The following MAB21L4 variants were observed in gnomAD, a reference collection of about 807,000 sequenced individuals.
MAB21L4 encodes mab-21 like 4.
A neutral mutation model predicts 32.4 loss-of-function variants in MAB21L4; 25 were observed. The ratio of observed to expected loss-of-function variants is 0.77; its 90% CI spans 0.56 to 1.08. The LOEUF is 1.08. Among genes scored for constraint, MAB21L4 ranks in the 50% least tolerant of loss-of-function variants. The probability of loss-of-function intolerance (pLI) is 0.00; values close to 1 mark genes in which losing one functional copy is unlikely to be tolerated. For synonymous variants in MAB21L4, 280 were observed against 276.8 expected, an observed-to-expected ratio of 1.01 and a Z score of -0.11; for missense variants, 638 against 611.0, an observed-to-expected ratio of 1.04 and a Z score of -0.47.
Position 240,888,606 on chromosome 2 carries a change from C to A in MAB21L4, c.937G>T (p.Asp313Tyr). 1 of 1,600,762 alleles carries A rather than the reference C, an allele frequency of 6.2e-7. No individual in the cohort carries two copies. Among genetic ancestry groups the A allele is most frequent in the Non-Finnish European group, 8.5e-7 (1 of 1,174,094 alleles). The change falls in exon 4 of 5, where the codon GAC becomes TAC. Residue 313 changes from aspartate to tyrosine, a missense_variant. Transcript: ENST00000388934. ...ACGGCGCCCTGCAGTTCTGCCCAGT[C>A]CTCGGGCGCCAGGAAGAGCACAGAG... Reference protein sequence around the residue: ...WASVLFLAPEDWAELQGAVYR... With the variant: ...WASVLFLAPEYWAELQGAVYR...
At chr2:240,896,724 G>C (rs1031919174), upstream of MAB21L4, 2 of 152,506 alleles carry the variant, frequency 1.3e-5, no homozygotes, top group Admixed American at 6.5e-5. Flanking sequence ...CCAGCCATCT[G>C]GGCCCTGGAC....
At position 240,895,851 on chromosome 2, in the gene MAB21L4, G is replaced by A. The variant is rs745871570; in HGVS notation, c.147C>T (p.Arg49=). Residue 49 remains arginine (R), a synonymous_variant, in exon 1 of 5, where the codon CGC becomes CGT. Coordinates refer to ENST00000388934, the MANE Select transcript of MAB21L4 (RefSeq NM_001085437.3). ...AENVLLTVLE[R]VHALDPRFIV... is the part of the protein sequence containing the mutation. Reference sequence around the variant, plus strand: ...TGAAGCGGGGGTCCAGGGCATGCACGCGCTCCAGCACCGTGAGCAGCACGT... The same window carrying A: ...TGAAGCGGGGGTCCAGGGCATGCACACGCTCCAGCACCGTGAGCAGCACGT... 6.6e-5 allele frequency: 104 copies of A among 1,576,980 alleles called. No individual in the cohort carries two copies. The highest frequency in any genetic ancestry group is 3.5e-4 in the Middle Eastern group (2 of 5,784).
At position 240,896,015 on chromosome 2, in the gene MAB21L4, G is replaced by C. The variant is rs10933514; in HGVS notation, c.-18C>G. 7.0e-7 allele frequency: 1 copy of C among 1,430,090 alleles called. No homozygotes were observed. 88.6% of individuals were successfully genotyped at this position (1,430,090 alleles called of 1,614,324 possible). ...GCAGGCATCCCTTCAACAGTGGCAGGTGAGGGCCAGTGGCCCCTGAGGAGG... is the reference window on the plus strand; with the variant it reads ...GCAGGCATCCCTTCAACAGTGGCAGCTGAGGGCCAGTGGCCCCTGAGGAGG... On this transcript the variant is annotated 5_prime_UTR_variant, in exon 1 of 5. Coordinates refer to ENST00000388934, the MANE Select transcript of MAB21L4 (RefSeq NM_001085437.3).
At chr2:240,895,105 G>A (rs1248676072) in intron 1 of MAB21L4, among the ~76,000 whole-genome samples, 7 of 152,332 alleles carry the variant, frequency 4.6e-5, no homozygotes, top group South Asian at 4.1e-4. Context: ...GCCCAGAGCC[G>A]TGTGAGGGAC....
At chr2:240,895,353 A>G (rs4293565) in intron 1 of MAB21L4, 131 bp downstream of exon 1, 602,088 of 857,196 alleles carry the variant, frequency 0.7, 214,751 homozygotes, top group African/African-American at 0.92. Context: ...CACACACAGA[A>G]GACAGTCGCC....
Position 240,895,654 on chromosome 2 carries a change from C to T in MAB21L4, c.344G>A (p.Arg115Lys). ...GLELCHLGVP[R>K]EGAGLERWTT... ...CCACCGCTCCAGGCCAGCCCCTTCCCTGGGCACACCCAGGTGGCATAATTC... is the reference window on the plus strand; with the variant it reads ...CCACCGCTCCAGGCCAGCCCCTTCCTTGGGCACACCCAGGTGGCATAATTC... Residue 115 changes from arginine to lysine, a missense_variant, in exon 1 of 5, where the codon AGG (arginine) becomes AAG (lysine). Transcript: ENST00000388934. 1.2e-6 allele frequency: 2 copies of T among 1,612,974 alleles called. No homozygotes were observed. The highest frequency in any genetic ancestry group is 8.5e-7 in the Non-Finnish European group (1 of 1,180,030).
At chr2:240,888,746 G>T in intron 3 of MAB21L4, 98 bp from the exon 4 acceptor site, 1 of 792,796 alleles carries the variant, frequency 1.3e-6, no homozygotes, top group Non-Finnish European at 1.8e-6. Flanking sequence ...GCCCCTCCCT[G>T]CTCCTACCCA....
intron 1 of MAB21L4, 30 bp downstream of exon 1, chr2:240,895,454 A>G: frequency 6.7e-7 from 1 of 1,490,856 alleles, no homozygotes; most frequent in Non-Finnish European, 9.0e-7. Context: ...GTACACGCAG[A>G]TACGCGTGCA....
At chr2:240,896,526 C>G (rs2059188456), upstream of MAB21L4, among the ~76,000 whole-genome samples, 1 of 152,174 alleles carries the variant, frequency 6.6e-6, no homozygotes, top group South Asian at 2.1e-4. Context: ...CCCCGTGGCT[C>G]AGTGAGGAAG....
intron 1 of MAB21L4, chr2:240,892,136 C>T (rs1295575119): frequency 5.1e-6 from 6 of 1,186,304 alleles, no homozygotes; most frequent in Non-Finnish European, 5.6e-6. Context: ...CCTTCCTGAG[C>T]CTGCTCACTC....
At position 240,888,410 on chromosome 2, in the gene MAB21L4, G is replaced by A; in HGVS notation, c.1133C>T (p.Thr378Ile). 1 of 1,558,018 alleles carries A rather than the reference G, an allele frequency of 6.4e-7. No homozygotes were observed. The highest frequency in any genetic ancestry group is 8.7e-7 in the Non-Finnish European group (1 of 1,155,068). The change falls in exon 4 of 5, where the codon ACC becomes ATC. Residue 378 changes from threonine (T) to isoleucine (I), a missense_variant. Coordinates refer to ENST00000388934, the MANE Select transcript of MAB21L4 (RefSeq NM_001085437.3). The stretch of plus-strand genomic sequence containing the variant: ...CGGCGGGGGGCTGCGGCCCAGGTGG[G>A]TGGCGTGGATGCGCAGGGCCGCCTC... The part of the protein sequence containing the change: ...QPEAALRIHA[T>I]HLGRSPPPRI...
At chr2:240,892,000 G>T in intron 1 of MAB21L4, 7 of 1,514,426 alleles carry the variant, frequency 4.6e-6, no homozygotes, top group Non-Finnish European at 6.2e-6. Flanking sequence ...GACAGTCCTC[G>T]GCACAACTGT....
Position 240,886,351 on chromosome 2 carries a change from T to A in MAB21L4, c.*719A>T, listed in dbSNP as rs1275542057. The A allele has an allele frequency of 6.6e-6, 1 of 152,208 alleles. No individual in the cohort carries two copies. The highest frequency in any genetic ancestry group is 1.5e-5 in the Non-Finnish European group (1 of 68,046). 9.4% of individuals were successfully genotyped at this position (152,208 alleles called of 1,614,324 possible). A position where few individuals can be genotyped will look rare whatever the true frequency, so the allele number is the denominator to read the frequency against. On this transcript the variant is annotated 3_prime_UTR_variant, in exon 5 of 5. Coordinates refer to ENST00000388934, the MANE Select transcript of MAB21L4 (RefSeq NM_001085437.3). ...TGGGGATTACAAGTCTACCTGAGAC[T>A]TGGGTGGGGACACAGATCCAATTCT...
Position 240,887,017 on chromosome 2 carries a change from T to A in MAB21L4, c.*53A>T, listed in dbSNP as rs1195039937. 7.3e-7 allele frequency: 1 copy of A among 1,376,120 alleles called. No homozygotes were observed. The highest frequency in any genetic ancestry group is 1.0e-6 in the Non-Finnish European group (1 of 964,324). 85.2% of individuals were successfully genotyped at this position (1,376,120 alleles called of 1,614,324 possible). Reference sequence around the variant, plus strand: ...ATCCCAGGAGCCTCCCATGGTGCAGTGCAGAGTCTGTTGGGGAGCCAAGAA... The same window carrying A: ...ATCCCAGGAGCCTCCCATGGTGCAGAGCAGAGTCTGTTGGGGAGCCAAGAA... On this transcript the variant is annotated 3_prime_UTR_variant, in exon 5 of 5. Coordinates refer to ENST00000388934, the MANE Select transcript of MAB21L4 (RefSeq NM_001085437.3).
At position 240,888,427 on chromosome 2, in the gene MAB21L4, G is replaced by A; in HGVS notation, c.1116C>T (p.Ala372=). The change falls in exon 4 of 5, where the codon GCC becomes GCT. Residue 372 remains alanine, a synonymous_variant. Transcript: ENST00000388934. ...CCAGGTGGGTGGCGTGGATGCGCAG[G>A]GCCGCCTCGGGCTGGCTGGCGAAGC... ...VEGFASQPEA[A]LRIHATHLGR... 6.4e-7 allele frequency: 1 copy of A among 1,561,170 alleles called. No individual in the cohort carries two copies. The highest frequency in any genetic ancestry group is 8.7e-7 in the Non-Finnish European group (1 of 1,155,894).
chr2:240,894,745 C>T (rs1429324502), intron 1 of MAB21L4, among the ~76,000 whole-genome samples: 4 of 152,166 alleles, frequency 2.6e-5, no homozygotes, highest in Non-Finnish European at 4.4e-5. Context: ...GCGGAGTGAG[C>T]CAAGATCGTG....
At chr2:240,887,484 A>G (rs1249924988) in intron 4 of MAB21L4, among the ~76,000 whole-genome samples, 1 of 152,256 alleles carries the variant, frequency 6.6e-6, no homozygotes, top group Non-Finnish European at 1.5e-5. Context: ...CTGAGAGCAC[A>G]GAGCATGGCC....
In MAB21L4 at chr2:240,896,127, C is replaced by A; in HGVS notation, c.-130G>T. ...TCTGCAGGTGGGGCCTCAGCTCCCA[C>A]ACAGCAGAATTCCAGAGTGACAGCA... On this transcript the variant is annotated 5_prime_UTR_variant, in exon 1 of 5. Coordinates refer to ENST00000388934, the MANE Select transcript of MAB21L4 (RefSeq NM_001085437.3). The A allele has an allele frequency of 7.4e-7, 1 of 1,358,978 alleles. No individual in the cohort carries two copies. The highest frequency in any genetic ancestry group is 9.4e-7 in the Non-Finnish European group (1 of 1,062,702). 84.2% of individuals were successfully genotyped at this position (1,358,978 alleles called of 1,614,324 possible). A position where few individuals can be genotyped will look rare whatever the true frequency, so the allele number is the denominator to read the frequency against.
chr2:240,888,977 C>G (rs1330248309), intron 3 of MAB21L4, among the ~76,000 whole-genome samples: 1 of 151,608 alleles, frequency 6.6e-6, no homozygotes, highest in Non-Finnish European at 1.5e-5. Context: ...GCCTTTCTCT[C>G]CTTCCCTCCG....
Sources: gnomAD v4.1 joint callset for allele counts (sites outside exome capture counted in the v4.1 genomes callset) on GRCh38, gnomAD v4.1.1 for gene constraint, MANE v1.5 for transcripts, NCBI Gene and HGNC (gene_info 2026-07-23, HGNC 2026-07-21) for gene names.